EPHA5: variants seen among roughly 807,000 people sequenced by gnomAD.
EPHA5 encodes EPH receptor A5.
In EPHA5, 60 loss-of-function variants were observed where a neutral mutation model predicts 105.0. The ratio of observed to expected loss-of-function variants is 0.57; its 90% CI spans 0.46 to 0.71. EPHA5 has a LOEUF of 0.71. EPHA5 is among the 30% of genes least tolerant of loss of function. The probability of loss-of-function intolerance (pLI) is 0.00; values close to 1 mark genes in which losing one functional copy is unlikely to be tolerated. For synonymous variants in EPHA5, 513 were observed against 449.1 expected (o/e 1.14, Z -1.80); for missense variants, 1,218 against 1,274.7 (o/e 0.96, Z 0.68).
intron 1 of EPHA5, among the ~76,000 whole-genome samples, chr4:65,664,501 C>T (rs1749804056): frequency 6.6e-6 from 1 of 151,840 alleles, no homozygotes; most frequent in South Asian, 2.1e-4. Context: ...TATGTACACC[C>T]ATAGGAATAT....
chr4:65,568,949 G>GT (rs1453668867), intron 3 of EPHA5, among the ~76,000 whole-genome samples: 2 of 150,976 alleles, frequency 1.3e-5, no homozygotes, highest in Non-Finnish European at 1.5e-5. Flanking sequence ...TTATCATAGA[G>GT]TTTTTAAACA....
chr4:65,495,290 T>G, intron 4 of EPHA5, 98 bp downstream of exon 4: 1 of 1,273,334 alleles, frequency 7.9e-7, no homozygotes, highest in East Asian at 2.4e-5. Flanking sequence ...TATGTCTGTT[T>G]TAGGGGGAAA....
chr4:65,634,609 A>T (rs550191381), intron 2 of EPHA5, among the ~76,000 whole-genome samples: 1 of 152,082 alleles, frequency 6.6e-6, no homozygotes, highest in Non-Finnish European at 1.5e-5. Context: ...AAAAATAATG[A>T]ATACAAAGCT....
intron 9 of EPHA5, 109 bp downstream of exon 9, chr4:65,367,248 A>G: frequency 1.1e-6 from 1 of 912,578 alleles, no homozygotes; most frequent in Admixed American, 2.7e-5. Context: ...AAAAAAAAAA[A>G]AACAATATTT....
chr4:65,328,019 A>G (rs1413724404), intron 16 of EPHA5, among the ~76,000 whole-genome samples: 2 of 151,180 alleles, frequency 1.3e-5, no homozygotes, highest in Admixed American at 1.3e-4. Flanking sequence ...CAAGGTATGC[A>G]TTTTTTAATT....
chr4:65,494,488 T>A (rs1731724357), intron 4 of EPHA5, among the ~76,000 whole-genome samples: 1 of 152,198 alleles, frequency 6.6e-6, no homozygotes, highest in African/African-American at 2.4e-5. Flanking sequence ...TTTCTGTTTT[T>A]GCTTGATTTG....
intron 3 of EPHA5, among the ~76,000 whole-genome samples, chr4:65,538,870 T>A (rs946287797): frequency 6.6e-6 from 1 of 151,686 alleles, no homozygotes; most frequent in Non-Finnish European, 1.5e-5. Flanking sequence ...CTAAAGATGG[T>A]AAGAAATGTA....
intron 5 of EPHA5, among the ~76,000 whole-genome samples, chr4:65,431,133 C>T (rs1724930122): frequency 6.6e-6 from 1 of 152,040 alleles, no homozygotes; most frequent in African/African-American, 2.4e-5. Context: ...AAGATAAATC[C>T]TCACAACGAT....
chr4:65,640,166 C>G (rs912725104), intron 2 of EPHA5, among the ~76,000 whole-genome samples: 3 of 152,104 alleles, frequency 2.0e-5, no homozygotes, highest in African/African-American at 7.2e-5. Flanking sequence ...AGATTCTCCC[C>G]CACTCTGCAG....
chr4:65,644,971 A>T (rs974730207), intron 1 of EPHA5, among the ~76,000 whole-genome samples: 4 of 152,008 alleles, frequency 2.6e-5, no homozygotes, highest in Non-Finnish European at 4.4e-5. Context: ...CTCAAATCAT[A>T]CTGGTTTTAA....
intron 14 of EPHA5, among the ~76,000 whole-genome samples, chr4:65,344,933 G>C (rs1385335725): frequency 1.3e-5 from 2 of 152,148 alleles, no homozygotes; most frequent in Admixed American, 6.5e-5. Context: ...ATTGGAGACA[G>C]TGTGATGCTT....
At chr4:65,435,033 A>C (rs1315276704) in intron 5 of EPHA5, among the ~76,000 whole-genome samples, 3 of 152,114 alleles carry the variant, frequency 2.0e-5, no homozygotes, top group Non-Finnish European at 4.4e-5. Flanking sequence ...CTATGTGCAA[A>C]TTATGGTACA....
intron 3 of EPHA5, among the ~76,000 whole-genome samples, chr4:65,556,294 T>G (rs142359661): frequency 2.9e-3 from 444 of 152,262 alleles, no homozygotes; most frequent in African/African-American, 0.01. Context: ...TGTTGTTTCA[T>G]GAGTGTCAGG....
At chr4:65,664,411 T>A (rs1007545859) in intron 1 of EPHA5, among the ~76,000 whole-genome samples, 3 of 151,952 alleles carry the variant, frequency 2.0e-5, no homozygotes, top group Non-Finnish European at 4.4e-5. Context: ...TAGGTACTAA[T>A]AATTTTTTCT....
At chr4:65,324,285 T>C in intron 16 of EPHA5, 66 bp from the exon 17 acceptor site, 1 of 1,114,324 alleles carries the variant, frequency 9.0e-7, no homozygotes, top group Non-Finnish European at 1.3e-6. Flanking sequence ...TATTTCATGT[T>C]GGCAAAGGGG....
At chr4:65,481,622 C>A (rs1178913209) in intron 5 of EPHA5, among the ~76,000 whole-genome samples, 1 of 152,186 alleles carries the variant, frequency 6.6e-6, no homozygotes, top group Non-Finnish European at 1.5e-5. Flanking sequence ...AAAATCCCAA[C>A]ATCCTCTTGG....
At chr4:65,659,314 TAACAGAAAAAAAAAAAA>T (rs1749338847) in intron 1 of EPHA5, among the ~76,000 whole-genome samples, 1 of 66,332 alleles carries the variant, frequency 1.5e-5, no homozygotes, top group African/African-American at 7.4e-5. Flanking sequence ...TATACTAGAG[TAACAGAAAAAAAAAAAA>T]AAAAAAAAAA....
intron 10 of EPHA5, among the ~76,000 whole-genome samples, 174 bp downstream of exon 10, chr4:65,365,758 T>C (rs1318259618): frequency 2.0e-5 from 3 of 148,380 alleles, no homozygotes; most frequent in Non-Finnish European, 3.0e-5. Context: ...TATTTGCTGG[T>C]TTAAGCTTGA....
intron 8 of EPHA5, among the ~76,000 whole-genome samples, chr4:65,379,317 C>T (rs1298974350): frequency 6.6e-6 from 1 of 151,148 alleles, no homozygotes; most frequent in Non-Finnish European, 1.5e-5. Context: ...CACTATAACA[C>T]CAAATCCAAG....
Sources: gnomAD v4.1 joint callset for allele counts (sites outside exome capture counted in the v4.1 genomes callset) on GRCh38, gnomAD v4.1.1 for gene constraint, MANE v1.5 for transcripts, NCBI Gene and HGNC (gene_info 2026-07-23, HGNC 2026-07-21) for gene names.